PYY: variants seen among roughly 807,000 people sequenced by gnomAD.
PYY encodes the protein peptide tyrosine tyrosine.
In PYY, 12 loss-of-function variants were observed where a neutral mutation model predicts 10.3. The ratio of observed to expected loss-of-function variants is 1.17; its 90% CI spans 0.75 to 1.89. The LOEUF is 1.89. Ranked by LOEUF, PYY falls within the 40% of genes most tolerant of loss-of-function variation. PYY has a pLI of 0.00. For synonymous variants in PYY, 66 were observed against 62.0 expected (o/e 1.06, Z -0.30); for missense variants, 141 against 134.0 (o/e 1.05, Z -0.26).
chr17:43,960,012 ATG>A (rs747897824), intron 2 of PYY, among the ~76,000 whole-genome samples: 55 of 152,244 alleles, frequency 3.6e-4, no homozygotes, highest in Non-Finnish European at 6.8e-4. Context: ...TGATACTGGC[ATG>A]TGTGTGCTCC....
chr17:43,990,458 A>G lies in PYY; in HGVS notation c.-463+13933T>C, dbSNP rs556914854. On this transcript the variant is annotated intron_variant, in intron 1 of 6. Transcript: ENST00000360085. ...CATCTCAAAAAAAAAAAAAAAAAAG[A>G]AAGAAAGAAAAGCAACTTCTCAAGA... Among the ~76,000 whole-genome samples the G allele has an allele frequency of 5.4e-3, 799 of 148,970 alleles. 7 individuals are homozygous for G. The highest frequency in any genetic ancestry group is 0.019 in the African/African-American group (780 of 40,678).
intron 2 of PYY, among the ~76,000 whole-genome samples, chr17:43,962,499 T>C (rs1212093856): frequency 2.6e-5 from 4 of 152,222 alleles, no homozygotes; most frequent in African/African-American, 4.8e-5. Flanking sequence ...TACAGTATTA[T>C]TAACTATTAA....
chr17:43,985,316 T>C (rs1020094604), intron 1 of PYY, among the ~76,000 whole-genome samples: 2 of 152,102 alleles, frequency 1.3e-5, no homozygotes, highest in African/African-American at 4.8e-5. Flanking sequence ...GCTCAAGCAA[T>C]CCTCCCACCT....
intron 2 of PYY, among the ~76,000 whole-genome samples, chr17:43,965,035 T>G (rs2048744713): frequency 6.6e-6 from 1 of 152,214 alleles, no homozygotes; most frequent in Non-Finnish European, 1.5e-5. Context: ...TGACTTTGAT[T>G]TGGAAATCTC....
chr17:43,962,808 A>T (rs1242739714), intron 2 of PYY, among the ~76,000 whole-genome samples: 1 of 152,222 alleles, frequency 6.6e-6, no homozygotes, highest in Non-Finnish European at 1.5e-5. Context: ...CAGCCATCAC[A>T]GTAGCAGGCG....
intron 1 of PYY, among the ~76,000 whole-genome samples, chr17:43,968,273 C>T (rs940822203): frequency 2.0e-5 from 3 of 152,124 alleles, no homozygotes; most frequent in Non-Finnish European, 4.4e-5. Flanking sequence ...CTCTCTGTGT[C>T]CTCCTGCCAC....
chr17:43,973,083 C>G (rs143656930), intron 1 of PYY, among the ~76,000 whole-genome samples: 134 of 152,216 alleles, frequency 8.8e-4, no homozygotes, highest in African/African-American at 3.0e-3. Context: ...AAGTGATCCT[C>G]CTGCTTCAGC....
At chr17:43,963,722 C>T (rs184262915) in intron 2 of PYY, among the ~76,000 whole-genome samples, 1 of 152,018 alleles carries the variant, frequency 6.6e-6, no homozygotes, top group African/African-American at 2.4e-5. Flanking sequence ...TCCCCCAACA[C>T]TTTGGGAAGC....
chr17:43,964,744 G>A lies in PYY; in HGVS notation c.-218+1544C>T, dbSNP rs986011619. Among the ~76,000 whole-genome samples the A allele has an allele frequency of 1.6e-4, 24 of 152,104 alleles. 1 individual carries two copies. Among genetic ancestry groups the A allele is most frequent in the Admixed American group, 1.1e-3 (17 of 15,270 alleles). On this transcript the variant is annotated intron_variant, in intron 2 of 6. Transcript: ENST00000360085. Reference sequence around the variant, plus strand: ...CTTGAACCCGGGAGGCGGAGTTTACGGTGGGCCGAGATTGTGCCATTGCAC... The same window carrying A: ...CTTGAACCCGGGAGGCGGAGTTTACAGTGGGCCGAGATTGTGCCATTGCAC...
chr17:43,965,816 A>AAAAAAG (rs1555617405), intron 2 of PYY, among the ~76,000 whole-genome samples: 55 of 142,686 alleles, frequency 3.9e-4, no homozygotes, highest in African/African-American at 1.0e-3. Flanking sequence ...AAAAAAAAAA[A>AAAAAAG]AGAGAGAGAA....
Position 43,960,532 on chromosome 17 carries a change from C to CAAAA in PYY, c.-217-2508_-217-2505dup, listed in dbSNP as rs1170040925. Among the ~76,000 whole-genome samples, 464 of 58,346 alleles carry CAAAA rather than the reference C, an allele frequency of 8.0e-3. 21 individuals are homozygous for CAAAA. Among genetic ancestry groups the CAAAA allele is most frequent in the East Asian group, 0.011 (18 of 1,596 alleles). 38.3% of individuals were successfully genotyped at this position (58,346 alleles called of 152,430 possible). A position where few individuals can be genotyped will look rare whatever the true frequency, so the allele number is the denominator to read the frequency against. ...GAGGGACGAGAGTGAGACTTTGTCT[C>CAAAA]AAAAAAAAAAAAAAAAAAAAAAACA... On this transcript the variant is annotated intron_variant, in intron 2 of 6. Transcript: ENST00000360085.
chr17:44,002,133 G>A (rs2049031790), intron 1 of PYY, among the ~76,000 whole-genome samples: 1 of 152,046 alleles, frequency 6.6e-6, no homozygotes, highest in Admixed American at 6.5e-5. Context: ...TTCTAAGTGG[G>A]AAAACAAAAA....
At chr17:43,977,741 G>A (rs1463091627) in intron 1 of PYY, among the ~76,000 whole-genome samples, 3 of 152,038 alleles carry the variant, frequency 2.0e-5, no homozygotes, top group Non-Finnish European at 4.4e-5. Flanking sequence ...TTTGGAGTTG[G>A]GGCCATTCAG....
intron 1 of PYY, among the ~76,000 whole-genome samples, chr17:43,986,462 G>A (rs2048916714): frequency 6.6e-6 from 1 of 151,958 alleles, no homozygotes; most frequent in Admixed American, 6.6e-5. Flanking sequence ...GTGGCTTCCT[G>A]TGCACCCCAA....
chr17:43,976,228 T>TACGTATGTATAC, intron 1 of PYY, among the ~76,000 whole-genome samples: 1 of 143,942 alleles, frequency 6.9e-6, no homozygotes, highest in African/African-American at 2.7e-5. Context: ...TATACATATA[T>TACGTATGTATAC]ACATATGCGT....
At chr17:43,967,901 G>A (rs1185759202) in intron 1 of PYY, among the ~76,000 whole-genome samples, 2 of 152,152 alleles carry the variant, frequency 1.3e-5, no homozygotes, top group African/African-American at 2.4e-5. Flanking sequence ...GGATCAACAG[G>A]AGAAATGCTC....
At chr17:43,981,686 C>T (rs1257938196) in intron 1 of PYY, among the ~76,000 whole-genome samples, 6 of 152,114 alleles carry the variant, frequency 3.9e-5, no homozygotes, top group Non-Finnish European at 8.8e-5. Flanking sequence ...GACGGGGTTT[C>T]ACCATGTTGG....
rs151081918 is a variant in PYY at position 43,997,755 on chromosome 17, G to A, written c.-463+6636C>T. Among the ~76,000 whole-genome samples the A allele has an allele frequency of 9.2e-4, 140 of 152,114 alleles. 6 individuals carry two copies. In the East Asian group the frequency reaches 0.024, roughly 26 times the overall value. Reference sequence around the variant, plus strand: ...ATCCACCCCTTACGAATGCGGCTTCGACCCTATATCCCCCGCCCGCGTTCC... The same window carrying A: ...ATCCACCCCTTACGAATGCGGCTTCAACCCTATATCCCCCGCCCGCGTTCC... On this transcript the variant is annotated intron_variant, in intron 1 of 6. Coordinates refer to the PYY transcript ENST00000360085.
chr17:43,953,505 G>A lies in PYY; in HGVS notation c.1-22C>T, dbSNP rs374082569. ...CCATCTGGGAAGGCGACATTGGGAC[G>A]TGGGTCATTCCAAGCCTCGACCCTA... is the stretch of plus-strand genomic sequence containing the variant. On this transcript the variant is annotated intron_variant, in intron 1 of 3. Transcript: ENST00000692052. The A allele has an allele frequency of 1.9e-5, 29 of 1,566,076 alleles. No homozygotes were observed. In the African/African-American group the frequency reaches 2.8e-4, roughly 15 times the overall value.
Sources: allele counts gnomAD v4.1 joint callset (sites outside exome capture counted in the v4.1 genomes callset), GRCh38; gene constraint gnomAD v4.1.1; transcripts MANE v1.5; gene names NCBI Gene and HGNC (gene_info 2026-07-23, HGNC 2026-07-21).